Variants in PSMA1 observed in about 807,000 individuals in gnomAD.
PSMA1 encodes the protein proteasome 20S subunit alpha 1.
PSMA1 carries 3 observed loss-of-function variants against 38.4 expected under a neutral mutation model. The ratio of observed to expected loss-of-function variants is 0.08; its 90% CI spans 0.04 to 0.20. The LOEUF (loss-of-function observed/expected upper bound fraction) is 0.20, where lower values mean the gene tolerates loss of function less well. PSMA1 is among the 10% of genes least tolerant of loss of function. PSMA1 has a pLI of 1.00. For synonymous variants in PSMA1, 101 were observed against 107.1 expected (o/e 0.94, Z 0.35); for missense variants, 227 against 325.3 (o/e 0.70, Z 2.32).
chr11:14,551,805 C>T (rs1212926804), intron 2 of PSMA1, among the ~76,000 whole-genome samples: 4 of 152,162 alleles, frequency 2.6e-5, no homozygotes, highest in Non-Finnish European at 5.9e-5. Context: ...GGACAGTGGG[C>T]TAGCCATATG....
At chr11:14,505,588 CTT>C (rs11414969) in intron 9 of PSMA1, among the ~76,000 whole-genome samples, 1 of 150,884 alleles carries the variant, frequency 6.6e-6, no homozygotes, top group Non-Finnish European at 1.5e-5. Context: ...TAGGGTGAAG[CTT>C]TTTTTTGTTT....
chr11:14,538,462 T>C (rs929468908), intron 2 of PSMA1, among the ~76,000 whole-genome samples: 1 of 152,200 alleles, frequency 6.6e-6, no homozygotes, highest in African/African-American at 2.4e-5. Context: ...ACCAAACCCT[T>C]CCTGCTGCCT....
At chr11:14,591,083 G>C (rs928678839) in intron 2 of PSMA1, among the ~76,000 whole-genome samples, 1 of 152,228 alleles carries the variant, frequency 6.6e-6, no homozygotes, top group South Asian at 2.1e-4. Context: ...AGCGGGAACC[G>C]GGGCTGCGTG....
At chr11:14,591,686 G>A (rs996177744) in intron 2 of PSMA1, among the ~76,000 whole-genome samples, 5 of 152,120 alleles carry the variant, frequency 3.3e-5, no homozygotes, top group African/African-American at 4.8e-5. Context: ...TCCATACTCT[G>A]TATCTAACTA....
chr11:14,573,551 A>G (rs570128195), intron 2 of PSMA1, among the ~76,000 whole-genome samples: 1 of 152,344 alleles, frequency 6.6e-6, no homozygotes, highest in Non-Finnish European at 1.5e-5. Context: ...CCCACAGCCA[A>G]TATCATATTG....
chr11:14,597,511 G>T (rs1284210312), intron 2 of PSMA1, among the ~76,000 whole-genome samples: 2 of 152,200 alleles, frequency 1.3e-5, no homozygotes, highest in African/African-American at 2.4e-5. Context: ...AATTCTTCTA[G>T]ATTTTCTAGT....
intron 1 of PSMA1, among the ~76,000 whole-genome samples, chr11:14,613,139 A>T (rs778568402): frequency 1.3e-5 from 2 of 152,082 alleles, no homozygotes; most frequent in African/African-American, 4.8e-5. Context: ...TTAATAATGT[A>T]AAATACAGTA....
intron 1 of PSMA1, among the ~76,000 whole-genome samples, chr11:14,621,035 C>T (rs983189294): frequency 1.3e-5 from 2 of 152,028 alleles, no homozygotes; most frequent in African/African-American, 4.8e-5. Flanking sequence ...GTTATTATAC[C>T]TTTTCATTTT....
intron 2 of PSMA1, among the ~76,000 whole-genome samples, chr11:14,599,116 CTGATGGGCTTCCCTTTG>C (rs1159476787): frequency 1.4e-4 from 22 of 152,210 alleles, no homozygotes; most frequent in African/African-American, 5.3e-4. Flanking sequence ...CGCTGTTAGT[CTGATGGGCTTCCCTTTG>C]TGGGTAACCC....
At chr11:14,532,842 G>A (rs556510098) in intron 2 of PSMA1, among the ~76,000 whole-genome samples, 2 of 144,060 alleles carry the variant, frequency 1.4e-5, no homozygotes, top group South Asian at 2.2e-4. Context: ...CAGGTGAGCC[G>A]ACATCTGCCA....
intron 2 of PSMA1, among the ~76,000 whole-genome samples, chr11:14,572,206 G>T (rs1852151584): frequency 6.6e-6 from 1 of 152,114 alleles, no homozygotes; most frequent in South Asian, 2.1e-4. Context: ...ATTAACAGAA[G>T]ATATATTCTT....
At chr11:14,587,003 G>A (rs577843460) in intron 2 of PSMA1, among the ~76,000 whole-genome samples, 2 of 152,118 alleles carry the variant, frequency 1.3e-5, no homozygotes, top group East Asian at 1.9e-4. Flanking sequence ...CTCGTGATCC[G>A]CCTGCCTCGG....
At chr11:14,625,223 C>CTCA (rs1199307204) in intron 1 of PSMA1, among the ~76,000 whole-genome samples, 2 of 152,178 alleles carry the variant, frequency 1.3e-5, no homozygotes, top group Non-Finnish European at 2.9e-5. Context: ...CCAAGGCAGG[C>CTCA]AGATCACCTG....
intron 7 of PSMA1, chr11:14,513,360 G>A: frequency 2.1e-6 from 1 of 466,938 alleles, no homozygotes; most frequent in Non-Finnish European, 3.4e-6. Flanking sequence ...TTTTGAAAAA[G>A]TTCTACTCGT....
chr11:14,561,197 G>A (rs1310023444), intron 2 of PSMA1, among the ~76,000 whole-genome samples: 1 of 152,168 alleles, frequency 6.6e-6, no homozygotes, highest in Non-Finnish European at 1.5e-5. Context: ...GTCACATTAT[G>A]GGAAAACTCA....
At chr11:14,572,708 A>T (rs1365743218) in intron 2 of PSMA1, among the ~76,000 whole-genome samples, 1 of 152,216 alleles carries the variant, frequency 6.6e-6, no homozygotes, top group Non-Finnish European at 1.5e-5. Context: ...ACCCTTCAAA[A>T]AATCAATGAA....
chr11:14,628,929 A>T (rs1852958819), intron 1 of PSMA1, among the ~76,000 whole-genome samples: 1 of 149,854 alleles, frequency 6.7e-6, no homozygotes, highest in Admixed American at 6.6e-5. Context: ...GATGATGAGC[A>T]TTTTTTCATG....
At chr11:14,621,521 T>A (rs1852843688) in intron 1 of PSMA1, among the ~76,000 whole-genome samples, 1 of 152,174 alleles carries the variant, frequency 6.6e-6, no homozygotes, top group African/African-American at 2.4e-5. Context: ...TCCTCCCACC[T>A]TGGCCTCCTA....
chr11:14,565,160 T>C (rs1232200975), intron 2 of PSMA1, among the ~76,000 whole-genome samples: 1 of 152,230 alleles, frequency 6.6e-6, no homozygotes, highest in Non-Finnish European at 1.5e-5. Flanking sequence ...TTAAACTAAG[T>C]TGTCAAATTT....
Sources: allele counts gnomAD v4.1 joint callset (sites outside exome capture counted in the v4.1 genomes callset), GRCh38; gene constraint gnomAD v4.1.1; transcripts MANE v1.5; gene names NCBI Gene and HGNC (gene_info 2026-07-23, HGNC 2026-07-21).